Variants in LRP5 observed in about 807,000 individuals in gnomAD.
LRP5 encodes the protein LDL receptor related protein 5.
In LRP5, 62 loss-of-function variants were observed where a neutral mutation model predicts 154.1. That is an observed-to-expected ratio of 0.40 (90% CI 0.33 to 0.50). The LOEUF (loss-of-function observed/expected upper bound fraction) is 0.50, where lower values mean the gene tolerates loss of function less well. LRP5 is among the 20% of genes least tolerant of loss of function. LRP5 has a pLI of 0.55. For synonymous variants in LRP5, 966 were observed against 1,011.5 expected (o/e 0.96, Z 0.85); for missense variants, 1,915 against 2,336.7 (o/e 0.82, Z 3.72).
Position 68,365,641 on chromosome 11 carries a change from C to A in LRP5, c.954C>A (p.Phe318Leu). 1 of 1,613,588 alleles carries A rather than the reference C, an allele frequency of 6.2e-7. No homozygotes were observed. The part of the protein sequence containing the change: ...HLCLLSPSEP[F>L]YTCACPTGVQ... ...GCCTGCTGTCCCCAAGCGAGCCTTT[C>A]TACACATGCGCCTGCCCCACGGGTG... Residue 318 changes from phenylalanine (F) to leucine (L), a missense_variant, in exon 5 of 23, where the codon TTC (phenylalanine) becomes TTA (leucine). By Grantham distance (22) the Phe-to-Leu change is conservative. Transcript: ENST00000294304.
intron 7 of LRP5, among the ~76,000 whole-genome samples, chr11:68,398,584 A>C (rs2098650860): frequency 6.6e-6 from 1 of 152,148 alleles, no homozygotes; most frequent in Non-Finnish European, 1.5e-5. Flanking sequence ...GGCCAGATCC[A>C]GCCCTGCCAC....
the LRP5 span, among the ~76,000 whole-genome samples, chr11:68,298,974 G>A: frequency 6.6e-6 from 1 of 152,212 alleles, no homozygotes; most frequent in Non-Finnish European, 1.5e-5. Context: ...GAATGGCAAA[G>A]AGGAAGCTGC....
chr11:68,335,074 CTTT>C (rs35822609), intron 1 of LRP5, among the ~76,000 whole-genome samples: 8 of 123,580 alleles, frequency 6.5e-5, no homozygotes, highest in Admixed American at 3.3e-4. Context: ...CCTGACCTGG[CTTT>C]TTTTTTTTTT....
At chr11:68,356,244 G>A (rs562508313) in intron 2 of LRP5, among the ~76,000 whole-genome samples, 3 of 151,220 alleles carry the variant, frequency 2.0e-5, no homozygotes, top group South Asian at 4.2e-4. Context: ...CAGGGCTGAA[G>A]GGATCCTCCC....
At chr11:68,356,715 A>G (rs1212797412) in intron 2 of LRP5, among the ~76,000 whole-genome samples, 1 of 152,134 alleles carries the variant, frequency 6.6e-6, no homozygotes, top group Non-Finnish European at 1.5e-5. Flanking sequence ...CCACCATTCC[A>G]TGTCATACAG....
Position 68,429,430 on chromosome 11 carries a change from A to C in LRP5, c.3638-145A>C. 8 of 909,194 alleles carry C rather than the reference A, an allele frequency of 8.8e-6. 1 individual carries two copies. The South Asian group carries it at 1.1e-4, about 13-fold the overall frequency. The allele number at this position is 909,194 out of a possible 1,614,324, so 56.3% of individuals were successfully genotyped here. A position where few individuals can be genotyped will look rare whatever the true frequency, so the allele number is the denominator to read the frequency against. On this transcript the variant is annotated intron_variant, in intron 16 of 22. Transcript: ENST00000294304. The stretch of plus-strand genomic sequence containing the variant: ...GAAGACTCTGTAGGCTGCCAAGAGG[A>C]ATAAGTGGGAGGATCCTCCCAGAGA...
chr11:68,416,502 A>C lies in LRP5; in HGVS notation c.3002A>C (p.Lys1001Thr). 6.2e-7 allele frequency: 1 copy of C among 1,613,926 alleles called. No individual in the cohort carries two copies. The highest frequency in any genetic ancestry group is 8.5e-7 in the Non-Finnish European group (1 of 1,180,040). Residue 1001 changes from lysine (K) to threonine (T), a missense_variant, in exon 13 of 23, where the codon AAG becomes ACG. Lys to Thr is a moderately conservative substitution (Grantham distance 78, BLOSUM62 -1). Around this residue, in one of 3 missense-constraint regions of LRP5, gnomAD observed 1,094 missense variants for 1,210.1 expected, o/e 0.90. Coordinates refer to ENST00000294304, the MANE Select transcript of LRP5 (RefSeq NM_002335.4). ...IYWVDGRQNI[K>T]RAKDDGTQPF... ...TGGGTGGATGGGCGCCAGAACATCA[A>C]GCGAGCCAAGGACGACGGGACCCAG...
intron 10 of LRP5, 70 bp from the exon 11 acceptor site, chr11:68,411,366 C>T: frequency 6.5e-7 from 1 of 1,544,742 alleles, no homozygotes; most frequent in Non-Finnish European, 8.8e-7. Context: ...CAGTTGCGTC[C>T]CCCCGCCACC....
intron 7 of LRP5, among the ~76,000 whole-genome samples, chr11:68,392,124 C>T (rs1410348218): frequency 2.0e-5 from 3 of 152,214 alleles, no homozygotes; most frequent in African/African-American, 7.2e-5. Flanking sequence ...GCTGGGATGA[C>T]AGGCATCAGC....
chr11:68,366,558 C>T lies in LRP5; in HGVS notation c.1015+856C>T, dbSNP rs139840378. ...GGCTGGGGTGTGTGTGTGGTCGTGGCGCCCGTGGCGTGTGGGTCTTTTCTC... is the reference window on the plus strand; with the variant it reads ...GGCTGGGGTGTGTGTGTGGTCGTGGTGCCCGTGGCGTGTGGGTCTTTTCTC... On this transcript the variant is annotated intron_variant, in intron 5 of 22. Transcript: ENST00000294304. 2.8e-3 allele frequency among the ~76,000 whole-genome samples: 421 copies of T among 152,130 alleles called. 5 individuals are homozygous for T. Among genetic ancestry groups the T allele is most frequent in the African/African-American group, 9.5e-3 (396 of 41,518 alleles).
chr11:68,361,864 T>C (rs1565345654), intron 3 of LRP5, among the ~76,000 whole-genome samples: 1 of 152,192 alleles, frequency 6.6e-6, no homozygotes, highest in Non-Finnish European at 1.5e-5. Flanking sequence ...AACAGTTTGT[T>C]GATTCCTTGA....
intron 1 of LRP5, among the ~76,000 whole-genome samples, chr11:68,346,299 G>A (rs1423051483): frequency 3.3e-5 from 5 of 152,204 alleles, no homozygotes; most frequent in Admixed American, 6.5e-5. Flanking sequence ...CGGCGGAGGC[G>A]CCGCTGTCAT....
intron 3 of LRP5, among the ~76,000 whole-genome samples, chr11:68,359,003 C>T (rs2153136776): frequency 6.6e-6 from 1 of 152,368 alleles, no homozygotes. Flanking sequence ...GGCCAACACC[C>T]ACATGAACAG....
At chr11:68,411,758 C>A in intron 11 of LRP5, 138 bp downstream of exon 11, 1 of 884,390 alleles carries the variant, frequency 1.1e-6, no homozygotes, top group Non-Finnish European at 1.7e-6. Context: ...CCACGACTGC[C>A]CAGCAGCCTC....
chr11:68,380,664 G>T (rs768556144), intron 5 of LRP5, among the ~76,000 whole-genome samples: 11 of 152,082 alleles, frequency 7.2e-5, no homozygotes, highest in Non-Finnish European at 1.3e-4. Context: ...GGAGCTGCAC[G>T]CAGTGGGGCG....
intron 5 of LRP5, among the ~76,000 whole-genome samples, chr11:68,384,700 G>A (rs2098642034): frequency 6.6e-6 from 1 of 152,198 alleles, no homozygotes; most frequent in Non-Finnish European, 1.5e-5. Flanking sequence ...TGATACCGTT[G>A]TGTGTGGAGC....
At chr11:68,385,889 G>A (rs1229659210) in intron 5 of LRP5, among the ~76,000 whole-genome samples, 1 of 152,096 alleles carries the variant, frequency 6.6e-6, no homozygotes, top group African/African-American at 2.4e-5. Flanking sequence ...TGCTGGGGAC[G>A]CTGAGCAGCA....
At chr11:68,446,768 C>G (rs2098681651) in intron 22 of LRP5, among the ~76,000 whole-genome samples, 2 of 152,228 alleles carry the variant, frequency 1.3e-5, no homozygotes, top group African/African-American at 4.8e-5. Context: ...TTCTGAGCTG[C>G]TCTTCAAGTT....
rs200075657 is a variant in LRP5 at position 68,386,695 on chromosome 11, A to C, written c.1395A>C (p.Ala465=). 3.6e-4 allele frequency: 584 copies of C among 1,613,212 alleles called. 7 individuals carry two copies. In the South Asian group the frequency reaches 3.6e-3, roughly 10 times the overall value. ...ACCTGGACGAGCCCCGAGCCATCGCACTGCACCCCGTGATGGGGTAAGACG... is the reference window on the plus strand; with the variant it reads ...ACCTGGACGAGCCCCGAGCCATCGCCCTGCACCCCGTGATGGGGTAAGACG... The part of the protein sequence containing the change: ...SEDLDEPRAI[A]LHPVMGLMYW... Residue 465 remains alanine (A), a synonymous_variant, in exon 6 of 23, where the codon GCA becomes GCC. Transcript: ENST00000294304. The surrounding 1 kb of genome is among the most constrained non-coding windows in gnomAD (Gnocchi z 7.9).
Sources: gnomAD v4.1 joint callset for allele counts (sites outside exome capture counted in the v4.1 genomes callset) on GRCh38, gnomAD v4.1.1 for gene constraint, gnomAD v4.1.1 regional missense constraint, Gnocchi (gnomAD v3.1) non-coding constraint, MANE v1.5 for transcripts, NCBI Gene and HGNC (gene_info 2026-07-23, HGNC 2026-07-21) for gene names.